The following TANC1 variants were observed in gnomAD, a reference collection of about 807,000 sequenced individuals.
The protein encoded by TANC1 is protein TANC1.
Under a neutral mutation model 149.7 loss-of-function variants are expected in TANC1, and 77 were observed. That is an observed-to-expected ratio of 0.51 (90% CI 0.43 to 0.62). The LOEUF (loss-of-function observed/expected upper bound fraction) is 0.62, where lower values mean the gene tolerates loss of function less well. TANC1 is among the 20% of genes least tolerant of loss of function. The pLI, the probability that TANC1 is intolerant of heterozygous loss-of-function variation, is 0.00. For synonymous variants in TANC1, 854 were observed against 925.0 expected (o/e 0.92, Z 1.39); for missense variants, 1,985 against 2,321.8 (o/e 0.85, Z 2.98).
At chr2:159,121,521 A>G (rs2048846793) in intron 4 of TANC1, among the ~76,000 whole-genome samples, 1 of 152,074 alleles carries the variant, frequency 6.6e-6, no homozygotes, top group Admixed American at 6.5e-5. Flanking sequence ...TTTAGTGGAG[A>G]CGGGGTTTCG....
chr2:159,092,010 C>A (rs997038670), intron 3 of TANC1, among the ~76,000 whole-genome samples: 1 of 151,462 alleles, frequency 6.6e-6, no homozygotes, highest in African/African-American at 2.4e-5. Context: ...GGTTATACAA[C>A]CTTTAAGAAA....
intron 16 of TANC1, among the ~76,000 whole-genome samples, chr2:159,193,316 G>T (rs1453123452): frequency 1.3e-5 from 2 of 152,126 alleles, no homozygotes; most frequent in African/African-American, 4.8e-5. Flanking sequence ...TTTTAAGCAG[G>T]AATAATCCAT....
At chr2:159,179,300 A>G (rs1160077564) in intron 14 of TANC1, 137 bp downstream of exon 14, 5 of 1,270,532 alleles carry the variant, frequency 3.9e-6, no homozygotes, top group Non-Finnish European at 2.1e-6. Context: ...TTGTTTTATT[A>G]TTTTTCTTCC....
chr2:159,042,381 G>A (rs950565201), intron 2 of TANC1, among the ~76,000 whole-genome samples: 4 of 152,182 alleles, frequency 2.6e-5, no homozygotes, highest in East Asian at 1.9e-4. Context: ...CCTTGAAAAC[G>A]AATGTTCTCC....
chr2:159,138,222 G>A (rs553026153), intron 5 of TANC1, among the ~76,000 whole-genome samples: 7 of 152,206 alleles, frequency 4.6e-5, no homozygotes, highest in Admixed American at 6.5e-5. Flanking sequence ...CAGACATTTC[G>A]GTTTCGCCTG....
At position 159,150,416 on chromosome 2, in the gene TANC1, G is replaced by A. The variant is rs751046300; in HGVS notation, c.542G>A (p.Ser181Asn). ...QGISPCSTLTSSTASPSTDSP... is the reference protein window; with the variant it reads ...QGISPCSTLTNSTASPSTDSP... ...ATCAGTCCTTGCTCCACACTAACAAGCAGCACCGCATCTCCTAGCACCGAT... is the reference window on the plus strand; with the variant it reads ...ATCAGTCCTTGCTCCACACTAACAAACAGCACCGCATCTCCTAGCACCGAT... The change falls in exon 7 of 27, where the codon AGC becomes AAC. Residue 181 changes from serine (S) to asparagine (N), a missense_variant. Physicochemically the swap from Ser to Asn is conservative, Grantham distance 46. This residue lies in a region of TANC1 where 557 missense variants were observed against 612.9 expected (regional missense o/e 0.91). Transcript: ENST00000263635. The A allele has an allele frequency of 3.1e-6, 5 of 1,614,102 alleles. No individual in the cohort carries two copies. Among genetic ancestry groups the A allele is most frequent in the Non-Finnish European group, 4.2e-6 (5 of 1,180,018 alleles).
chr2:159,191,274 T>C (rs955619762), intron 16 of TANC1, among the ~76,000 whole-genome samples: 2 of 151,986 alleles, frequency 1.3e-5, no homozygotes, highest in Non-Finnish European at 2.9e-5. Flanking sequence ...ATGGAGGGGC[T>C]CTGTTTGCCT....
At chr2:159,062,593 C>T (rs2042310586) in intron 2 of TANC1, among the ~76,000 whole-genome samples, 1 of 152,242 alleles carries the variant, frequency 6.6e-6, no homozygotes, top group African/African-American at 2.4e-5. Flanking sequence ...GAATTTACCA[C>T]TGCCTTCTCT....
At chr2:159,131,305 C>G (rs189988353) in intron 4 of TANC1, among the ~76,000 whole-genome samples, 1 of 152,136 alleles carries the variant, frequency 6.6e-6, no homozygotes, top group Non-Finnish European at 1.5e-5. Flanking sequence ...TAGAATTGAG[C>G]CTTTCCAGAG....
intron 2 of TANC1, among the ~76,000 whole-genome samples, chr2:159,061,496 C>T (rs557888769): frequency 1.3e-5 from 2 of 152,292 alleles, no homozygotes; most frequent in Non-Finnish European, 2.9e-5. Context: ...GCTAAGGGCC[C>T]CCACCCCAAT....
chr2:159,032,255 G>C (rs970284564), intron 2 of TANC1, among the ~76,000 whole-genome samples: 1 of 152,234 alleles, frequency 6.6e-6, no homozygotes, highest in African/African-American at 2.4e-5. Context: ...GAATATTCCA[G>C]ATCAGAATGG....
chr2:159,174,216 C>G (rs2055585902), intron 11 of TANC1, among the ~76,000 whole-genome samples: 1 of 152,206 alleles, frequency 6.6e-6, no homozygotes, highest in Admixed American at 6.5e-5. Context: ...ACTTCAGCGT[C>G]TGGCCCTTTC....
intron 7 of TANC1, among the ~76,000 whole-genome samples, chr2:159,154,429 G>C (rs926888418): frequency 6.6e-6 from 1 of 152,180 alleles, no homozygotes; most frequent in African/African-American, 2.4e-5. Context: ...CATCAGGACT[G>C]CCACAGGGTG....
intron 19 of TANC1, among the ~76,000 whole-genome samples, chr2:159,212,905 G>C (rs186186697): frequency 1.0e-4 from 14 of 136,562 alleles, no homozygotes; most frequent in Admixed American, 8.7e-4. Context: ...GGGTGACAGG[G>C]CGAGACACCG....
intron 3 of TANC1, among the ~76,000 whole-genome samples, chr2:159,095,965 C>CT (rs1416925561): frequency 6.6e-6 from 1 of 151,486 alleles, no homozygotes; most frequent in Non-Finnish European, 1.5e-5. Flanking sequence ...TTCATTGTTT[C>CT]TTTTTTTAAA....
chr2:159,175,689 C>G (rs779379822), intron 12 of TANC1, among the ~76,000 whole-genome samples: 4 of 152,214 alleles, frequency 2.6e-5, no homozygotes, highest in Non-Finnish European at 5.9e-5. Context: ...GTTTCCCATC[C>G]TCTCTGCCCT....
At position 159,194,488 on chromosome 2, in the gene TANC1, G is replaced by A. The variant is rs138392757; in HGVS notation, c.2974G>A (p.Val992Met). ...KLVCLLTKKG[V>M]RVDHLDKKGQ... ...GGTGTGTCTGCTGACCAAGAAGGGA[G>A]TGAGAGTAAGCGGCAGCCTGCTCTT... is the stretch of plus-strand genomic sequence containing the variant. Residue 992 changes from valine to methionine, a missense_variant, in exon 17 of 27, where the codon GTG becomes ATG. Coordinates refer to ENST00000263635, the MANE Select transcript of TANC1 (RefSeq NM_033394.3). The A allele has an allele frequency of 2.3e-5, 37 of 1,613,758 alleles. No homozygotes were observed. The East Asian group carries it at 6.9e-4, about 30-fold the overall frequency.
chr2:159,170,910 G>C, intron 10 of TANC1, 105 bp downstream of exon 10: 1 of 1,266,970 alleles, frequency 7.9e-7, no homozygotes, highest in East Asian at 2.5e-5. Flanking sequence ...AGTTGTTGCA[G>C]CTACTATATC....
rs79474273 is a variant in TANC1 at position 158,977,866 on chromosome 2, G to A, written c.-126+9084G>A. On this transcript the variant is annotated intron_variant, in intron 1 of 26. Coordinates refer to ENST00000263635, the MANE Select transcript of TANC1 (RefSeq NM_033394.3). Reference sequence around the variant, plus strand: ...TGCTAATACCACTGAACTCCTGCCCGTCCCTGATACTTTGTTTCAATTTTG... The same window carrying A: ...TGCTAATACCACTGAACTCCTGCCCATCCCTGATACTTTGTTTCAATTTTG... 3.4e-3 allele frequency among the ~76,000 whole-genome samples: 514 copies of A among 152,016 alleles called. 3 individuals carry two copies. Among genetic ancestry groups the A allele is most frequent in the African/African-American group, 0.012 (478 of 41,448 alleles).
Sources: allele counts gnomAD v4.1 joint callset (sites outside exome capture counted in the v4.1 genomes callset), GRCh38; gene constraint gnomAD v4.1.1; regional missense constraint gnomAD v4.1.1; transcripts MANE v1.5; gene names NCBI Gene and HGNC (gene_info 2026-07-23, HGNC 2026-07-21).